The following ADGRL3 variants were observed in gnomAD, a reference collection of about 807,000 sequenced individuals.
ADGRL3 encodes adhesion G protein-coupled receptor L3.
ADGRL3 carries 62 observed loss-of-function variants against 153.5 expected under a neutral mutation model. The ratio of observed to expected loss-of-function variants is 0.40; its 90% CI spans 0.33 to 0.50. The LOEUF is 0.50. Among genes scored for constraint, ADGRL3 ranks in the 20% least tolerant of loss-of-function variants. ADGRL3 has a pLI of 0.47. For synonymous variants in ADGRL3, 710 were observed against 672.5 expected (o/e 1.06, Z -0.86); for missense variants, 1,641 against 1,859.4 (o/e 0.88, Z 2.16).
chr4:61,642,216 A>T, intron 5 of ADGRL3, among the ~76,000 whole-genome samples: 1 of 150,382 alleles, frequency 6.6e-6, no homozygotes, highest in Non-Finnish European at 1.5e-5. Context: ...GGTTGCGAAA[A>T]TTTTCTCCCA....
chr4:61,864,287 T>C (rs1170996207), intron 9 of ADGRL3, among the ~76,000 whole-genome samples: 2 of 152,164 alleles, frequency 1.3e-5, no homozygotes, highest in Non-Finnish European at 2.9e-5. Context: ...ATATTGAAAA[T>C]TGGCCCATAA....
chr4:61,590,123 A>G (rs1481331594), intron 5 of ADGRL3, among the ~76,000 whole-genome samples: 1 of 152,054 alleles, frequency 6.6e-6, no homozygotes, highest in Non-Finnish European at 1.5e-5. Context: ...CTTTTACTCA[A>G]TTATTATCAC....
intron 1 of ADGRL3, among the ~76,000 whole-genome samples, chr4:61,282,678 T>C (rs1168375624): frequency 2.0e-5 from 3 of 152,026 alleles, no homozygotes; most frequent in African/African-American, 7.2e-5. Flanking sequence ...TTCCTATACA[T>C]ACAAATCTTT....
chr4:61,740,259 T>A (rs1344705236), intron 8 of ADGRL3, among the ~76,000 whole-genome samples: 1 of 148,100 alleles, frequency 6.8e-6, no homozygotes, highest in Non-Finnish European at 1.5e-5. Flanking sequence ...TAACTGGCTA[T>A]TTTTTGTAAG....
chr4:61,867,340 A>T (rs909265931), intron 9 of ADGRL3, among the ~76,000 whole-genome samples: 1 of 151,166 alleles, frequency 6.6e-6, no homozygotes, highest in Non-Finnish European at 1.5e-5. Flanking sequence ...CTCTACAAAA[A>T]ATGCAAAAAT....
chr4:61,760,458 A>T (rs528083517), intron 8 of ADGRL3, among the ~76,000 whole-genome samples: 2 of 152,322 alleles, frequency 1.3e-5, no homozygotes, highest in South Asian at 4.1e-4. Context: ...CCTCTGAGCC[A>T]GGCACGGGAT....
intron 8 of ADGRL3, among the ~76,000 whole-genome samples, chr4:61,743,684 T>G (rs891524358): frequency 2.0e-5 from 3 of 152,034 alleles, no homozygotes; most frequent in African/African-American, 7.2e-5. Context: ...TAGTTTGTGG[T>G]GAGGTAAAGT....
chr4:61,766,751 G>A (rs2096986320), intron 8 of ADGRL3, among the ~76,000 whole-genome samples: 1 of 151,548 alleles, frequency 6.6e-6, no homozygotes, highest in Non-Finnish European at 1.5e-5. Context: ...CTGGGATTAA[G>A]GGTGCAAAGG....
At position 61,832,281 on chromosome 4, in the gene ADGRL3, G is replaced by C. The variant is rs374901611; in HGVS notation, c.1480+18392G>C. On this transcript the variant is annotated intron_variant, in intron 9 of 26. Transcript: ENST00000683033. ...AATGATTCTCTTAGGACAAAGGATGGGACCTACAGGTTATGACTTATTGTG... is the reference window on the plus strand; with the variant it reads ...AATGATTCTCTTAGGACAAAGGATGCGACCTACAGGTTATGACTTATTGTG... 3.9e-5 allele frequency among the ~76,000 whole-genome samples: 6 copies of C among 152,264 alleles called. No homozygotes were observed. The East Asian group carries it at 1.2e-3, about 29-fold the overall frequency.
chr4:61,910,735 C>T (rs2098718163), intron 12 of ADGRL3, among the ~76,000 whole-genome samples: 1 of 151,498 alleles, frequency 6.6e-6, no homozygotes, highest in Non-Finnish European at 1.5e-5. Context: ...AGAACATTCT[C>T]CTTTAGAATG....
chr4:61,419,840 G>T (rs942761468), intron 2 of ADGRL3, among the ~76,000 whole-genome samples: 6 of 151,082 alleles, frequency 4.0e-5, no homozygotes, highest in South Asian at 2.1e-4. Flanking sequence ...CGTCACCTAG[G>T]CTGGACAGCA....
chr4:61,924,441 A>C lies in ADGRL3; in HGVS notation c.2113-10399A>C, dbSNP rs147663543. ...ACCTACAAATATTATCAATGGCACA[A>C]ACCATTCTCCTGAACTCCAGAATTA... is the stretch of plus-strand genomic sequence containing the variant. On this transcript the variant is annotated intron_variant, in intron 13 of 26. Coordinates refer to ENST00000683033, the MANE Select transcript of ADGRL3 (RefSeq NM_001387552.1). Among the ~76,000 whole-genome samples the C allele has an allele frequency of 1.9e-3, 289 of 152,306 alleles. 1 individual carries two copies. The highest frequency in any genetic ancestry group is 6.7e-3 in the African/African-American group (279 of 41,570).
chr4:61,871,015 A>G (rs2098440553), intron 9 of ADGRL3, among the ~76,000 whole-genome samples: 1 of 152,194 alleles, frequency 6.6e-6, no homozygotes, highest in Non-Finnish European at 1.5e-5. Context: ...ACGGTGGCTC[A>G]TGCCTGTAAT....
At chr4:61,240,897 TGAAA>T (rs1326713034) in intron 1 of ADGRL3, among the ~76,000 whole-genome samples, 6 of 152,044 alleles carry the variant, frequency 3.9e-5, no homozygotes, top group African/African-American at 1.4e-4. Context: ...AATGAAATAA[TGAAA>T]GATTTTGTTG....
intron 25 of ADGRL3, among the ~76,000 whole-genome samples, chr4:62,044,771 A>C: frequency 6.6e-6 from 1 of 152,158 alleles, no homozygotes; most frequent in South Asian, 2.1e-4. Context: ...ATTAGAAAAT[A>C]AAAAACTTTT....
chr4:62,031,045 A>G (rs991842020), intron 22 of ADGRL3, among the ~76,000 whole-genome samples: 1 of 151,596 alleles, frequency 6.6e-6, no homozygotes, highest in Non-Finnish European at 1.5e-5. Context: ...GTATCAGAAG[A>G]AGCACTAATA....
At chr4:61,985,131 A>G (rs1219066168) in intron 19 of ADGRL3, among the ~76,000 whole-genome samples, 1 of 152,172 alleles carries the variant, frequency 6.6e-6, no homozygotes, top group Non-Finnish European at 1.5e-5. Flanking sequence ...TGCAAAGTCC[A>G]TGGCACTAAT....
intron 4 of ADGRL3, among the ~76,000 whole-genome samples, chr4:61,551,415 TA>T (rs1398223657): frequency 3.3e-5 from 5 of 152,116 alleles, no homozygotes; most frequent in Non-Finnish European, 5.9e-5. Context: ...ATTTTTATGT[TA>T]AAAAAGTGTT....
At chr4:61,472,321 T>A (rs898441399) in intron 2 of ADGRL3, among the ~76,000 whole-genome samples, 11 of 152,220 alleles carry the variant, frequency 7.2e-5, no homozygotes, top group Middle Eastern at 3.4e-3. Context: ...GGGTCACAAA[T>A]CTGGATGTTA....
Sources: allele counts gnomAD v4.1 joint callset (sites outside exome capture counted in the v4.1 genomes callset), GRCh38; gene constraint gnomAD v4.1.1; transcripts MANE v1.5; gene names NCBI Gene and HGNC (gene_info 2026-07-23, HGNC 2026-07-21).